ARHGAP6: variants seen among roughly 807,000 people sequenced by gnomAD.
The protein encoded by ARHGAP6 is rho GTPase-activating protein 6.
Under a neutral mutation model 55.7 loss-of-function variants are expected in ARHGAP6, and 16 were observed. The observed-to-expected ratio is 0.29, with a 90% CI of 0.19 to 0.44. The LOEUF (loss-of-function observed/expected upper bound fraction) is 0.44. ARHGAP6 is among the 20% of genes least tolerant of loss of function. ARHGAP6 has a pLI of 1.00. For missense variants in ARHGAP6, 698 were observed against 808.9 expected, an observed-to-expected ratio of 0.86 and a Z score of 1.66; for synonymous variants, 382 against 360.9, an observed-to-expected ratio of 1.06 and a Z score of -0.66.
intron 1 of ARHGAP6, among the ~76,000 whole-genome samples, chrX:11,403,232 G>A (rs1464017597): frequency 9.0e-6 from 1 of 111,248 alleles, no homozygotes; most frequent in Non-Finnish European, 1.9e-5. Flanking sequence ...TAGGTATGGG[G>A]GAGAGTTAGA....
chrX:11,567,998 T>C (rs2051465756), intron 1 of ARHGAP6, among the ~76,000 whole-genome samples: 1 of 111,788 alleles, frequency 8.9e-6, no homozygotes, highest in Admixed American at 9.5e-5. Context: ...TTCATGGCCA[T>C]TAACACCCAG....
rs915524356 is a variant in ARHGAP6, at chrX:11,139,027, C to T, written c.2761G>A (p.Val921Ile). The change falls in exon 13 of 13, where the codon GTC becomes ATC. Residue 921 changes from valine to isoleucine, a missense_variant. Physicochemically the swap from Val to Ile is conservative, Grantham distance 29. Coordinates refer to ENST00000337414, the MANE Select transcript of ARHGAP6 (RefSeq NM_013427.3). Reference sequence around the variant, plus strand: ...GCGCTGCTCAGTTTTTTCTGCGTGACCTGCTGCTCTCGCTCGGCTGCTTGG... The same window carrying T: ...GCGCTGCTCAGTTTTTTCTGCGTGATCTGCTGCTCTCGCTCGGCTGCTTGG... ...GGQAAEREQQ[V>I]TQKKLSSANS... 8.3e-7 allele frequency: 1 copy of T among 1,208,664 alleles called. No individual in the cohort carries two copies. The highest frequency in any genetic ancestry group is 1.1e-6 in the Non-Finnish European group (1 of 894,471).
At chrX:11,493,182 A>C (rs1245483152) in intron 1 of ARHGAP6, among the ~76,000 whole-genome samples, 1 of 112,476 alleles carries the variant, frequency 8.9e-6, no homozygotes, top group Non-Finnish European at 1.9e-5. Context: ...ATAATATAAA[A>C]AGTATATCAT....
At chrX:11,277,416 T>C (rs962580540) in intron 1 of ARHGAP6, among the ~76,000 whole-genome samples, 3 of 111,093 alleles carry the variant, frequency 2.7e-5, no homozygotes, top group Non-Finnish European at 3.8e-5. Context: ...CTGGATCATA[T>C]GGTAACTATG....
intron 1 of ARHGAP6, among the ~76,000 whole-genome samples, chrX:11,509,362 C>T (rs902536974): frequency 1.8e-5 from 2 of 111,708 alleles, no homozygotes; most frequent in African/African-American, 6.5e-5. Flanking sequence ...ATGTTTGGGG[C>T]CCAATATACA....
chrX:11,313,904 T>A (rs1299965008), intron 1 of ARHGAP6, among the ~76,000 whole-genome samples: 2 of 112,070 alleles, frequency 1.8e-5, no homozygotes, highest in Non-Finnish European at 3.8e-5. Flanking sequence ...TGGGGTTACT[T>A]TTTGTTAAAA....
At chrX:11,425,914 T>A (rs2147782665) in intron 1 of ARHGAP6, among the ~76,000 whole-genome samples, 1 of 111,021 alleles carries the variant, frequency 9.0e-6, no homozygotes, top group East Asian at 2.8e-4. Flanking sequence ...AAAAAGGTGG[T>A]GGGGTGGAGA....
chrX:11,391,066 A>C (rs959797126), intron 1 of ARHGAP6, among the ~76,000 whole-genome samples: 2 of 112,122 alleles, frequency 1.8e-5, no homozygotes, highest in African/African-American at 6.5e-5. Context: ...AACCAACCCA[A>C]ATGTCCAACA....
chrX:11,177,991 G>C lies in ARHGAP6; in HGVS notation c.1629+109C>G, dbSNP rs1056279976. 3 of 976,653 alleles carry C rather than the reference G, an allele frequency of 3.1e-6. No individual in the cohort carries two copies. In the Admixed American group the frequency reaches 6.9e-5, roughly 22 times the overall value. The allele number at this position is 976,653 out of a possible 1,213,427, so 80.5% of individuals were successfully genotyped here. A position where few individuals can be genotyped will look rare whatever the true frequency, so the allele number is the denominator to read the frequency against. On this transcript the variant is annotated intron_variant, in intron 8 of 12. Coordinates refer to ENST00000337414, the MANE Select transcript of ARHGAP6 (RefSeq NM_013427.3). The stretch of plus-strand genomic sequence containing the variant: ...TTCCTACAGAGACAGCTAGGTTGGA[G>C]AAGGGGAGACATCATTACCTCCAGG...
chrX:11,222,478 C>T (rs778836283), intron 2 of ARHGAP6, among the ~76,000 whole-genome samples: 1 of 111,705 alleles, frequency 9.0e-6, no homozygotes, highest in Non-Finnish European at 1.9e-5. Flanking sequence ...CTATTCTTAG[C>T]AATTGATGGT....
chrX:11,595,699 G>T (rs903000347), intron 1 of ARHGAP6, among the ~76,000 whole-genome samples: 3 of 111,449 alleles, frequency 2.7e-5, no homozygotes, highest in African/African-American at 9.8e-5. Flanking sequence ...CTAATATCCA[G>T]GATCTACAAA....
chrX:11,518,026 C>A (rs961570331), intron 1 of ARHGAP6, among the ~76,000 whole-genome samples: 19 of 111,744 alleles, frequency 1.7e-4, no homozygotes, highest in African/African-American at 6.2e-4. Context: ...CATGCAACAT[C>A]CCAGCCCCAA....
chrX:11,266,156 A>G (rs2047625200), intron 1 of ARHGAP6, among the ~76,000 whole-genome samples: 1 of 108,211 alleles, frequency 9.2e-6, no homozygotes, highest in Non-Finnish European at 1.9e-5. Context: ...AAAAAGAATG[A>G]GAGTATTTTG....
At chrX:11,200,545 G>C (rs2046605394) in intron 2 of ARHGAP6, among the ~76,000 whole-genome samples, 1 of 112,559 alleles carries the variant, frequency 8.9e-6, no homozygotes, top group Non-Finnish European at 1.9e-5. Flanking sequence ...TCGAAAACAA[G>C]AAAACATGAG....
At chrX:11,331,293 C>T (rs1354129656) in intron 1 of ARHGAP6, among the ~76,000 whole-genome samples, 1 of 111,407 alleles carries the variant, frequency 9.0e-6, no homozygotes, top group Non-Finnish European at 1.9e-5. Flanking sequence ...CTGGGTTTCC[C>T]CTACTCAGTC....
chrX:11,345,905 A>T (rs1189292937), intron 1 of ARHGAP6, among the ~76,000 whole-genome samples: 3 of 111,560 alleles, frequency 2.7e-5, no homozygotes, highest in African/African-American at 9.8e-5. Flanking sequence ...TAATAGAACC[A>T]ATATGGTAGC....
At chrX:11,435,957 C>T (rs892647619) in intron 1 of ARHGAP6, among the ~76,000 whole-genome samples, 8 of 112,009 alleles carry the variant, frequency 7.1e-5, no homozygotes, top group South Asian at 3.7e-4. Context: ...GAATGCTACA[C>T]GTGATTTCTT....
chrX:11,454,971 C>T (rs1327806050), intron 1 of ARHGAP6, among the ~76,000 whole-genome samples: 2 of 110,352 alleles, frequency 1.8e-5, no homozygotes, highest in Non-Finnish European at 3.8e-5. Context: ...TTTTCAAGCA[C>T]AACTTGGGGA....
chrX:11,590,088 G>A (rs947717432), intron 1 of ARHGAP6, among the ~76,000 whole-genome samples: 4 of 111,116 alleles, frequency 3.6e-5, no homozygotes, highest in Non-Finnish European at 7.5e-5. Flanking sequence ...AACTTATACT[G>A]GCTCTCTGTG....
Sources: gnomAD v4.1 joint callset for allele counts (sites outside exome capture counted in the v4.1 genomes callset) on GRCh38, gnomAD v4.1.1 for gene constraint, MANE v1.5 for transcripts, NCBI Gene and HGNC (gene_info 2026-07-23, HGNC 2026-07-21) for gene names.